The following LRRTM4 variants were observed in gnomAD, a reference collection of about 807,000 sequenced individuals.
The protein encoded by LRRTM4 is leucine rich repeat transmembrane neuronal 4, also known as leucine-rich repeat transmembrane neuronal protein 4.
A neutral mutation model predicts 47.6 loss-of-function variants in LRRTM4; 25 were observed. The observed-to-expected ratio is 0.53, with a 90% CI of 0.38 to 0.73. The LOEUF is 0.73. Ranked by LOEUF, LRRTM4 falls within the 30% of genes least tolerant of loss-of-function variation. The probability of loss-of-function intolerance (pLI) is 0.00; values close to 1 mark genes in which losing one functional copy is unlikely to be tolerated. For missense variants in LRRTM4, 638 were observed against 713.4 expected (o/e 0.89, Z 1.20); for synonymous variants, 311 against 269.5 (o/e 1.15, Z -1.51).
At chr2:77,466,702 CTT>C (rs34276275) in intron 3 of LRRTM4, among the ~76,000 whole-genome samples, 74,564 of 131,060 alleles carry the variant, frequency 0.57, 20,921 homozygotes, top group African/African-American at 0.63. Flanking sequence ...ACTATGGCAA[CTT>C]TTTTTTTTTT....
chr2:77,283,871 T>C (rs1399586309), intron 3 of LRRTM4, among the ~76,000 whole-genome samples: 2 of 151,962 alleles, frequency 1.3e-5, no homozygotes, highest in Non-Finnish European at 2.9e-5. Flanking sequence ...CTATTGATCA[T>C]TATGCTTAGT....
chr2:76,959,889 T>C (rs531968246), intron 3 of LRRTM4, among the ~76,000 whole-genome samples: 82 of 151,720 alleles, frequency 5.4e-4, no homozygotes, highest in Non-Finnish European at 1.2e-3. Context: ...GTTTTATTAT[T>C]ATTTTAAAAT....
intron 3 of LRRTM4, among the ~76,000 whole-genome samples, chr2:77,073,238 T>C (rs965942371): frequency 3.3e-5 from 5 of 152,156 alleles, no homozygotes; most frequent in Non-Finnish European, 5.9e-5. Context: ...ATACTATAAG[T>C]ATTTTCTTAT....
chr2:77,399,710 C>T (rs751025626), intron 3 of LRRTM4, among the ~76,000 whole-genome samples: 17 of 151,826 alleles, frequency 1.1e-4, no homozygotes, highest in Non-Finnish European at 2.1e-4. Flanking sequence ...GAATCAAACA[C>T]CTAAAACATT....
intron 3 of LRRTM4, among the ~76,000 whole-genome samples, chr2:77,103,662 T>G (rs1264831029): frequency 6.9e-6 from 1 of 145,302 alleles, no homozygotes; most frequent in South Asian, 2.2e-4. Flanking sequence ...TATATATATA[T>G]AGATATATAT....
chr2:77,440,259 A>G (rs1675785295), intron 3 of LRRTM4, among the ~76,000 whole-genome samples: 2 of 151,992 alleles, frequency 1.3e-5, no homozygotes, highest in African/African-American at 4.8e-5. Flanking sequence ...CTAAAAATAC[A>G]AAAAATTAGC....
intron 3 of LRRTM4, among the ~76,000 whole-genome samples, chr2:77,366,395 C>T (rs1341172785): frequency 6.6e-6 from 1 of 151,848 alleles, no homozygotes; most frequent in African/African-American, 2.4e-5. Flanking sequence ...TCACTCACTA[C>T]TCAAATACTT....
At chr2:76,783,558 CCATGGCA>C in intron 3 of LRRTM4, among the ~76,000 whole-genome samples, 1 of 152,186 alleles carries the variant, frequency 6.6e-6, no homozygotes, top group African/African-American at 2.4e-5. Context: ...CCTCCCTGGC[CCATGGCA>C]AACGCCTATT....
intron 3 of LRRTM4, among the ~76,000 whole-genome samples, chr2:77,069,587 G>T (rs1680082442): frequency 6.6e-6 from 1 of 152,114 alleles, no homozygotes; most frequent in Admixed American, 6.6e-5. Flanking sequence ...ATATTCTGGT[G>T]TCCTATTACT....
At chr2:76,862,459 C>T (rs188426098) in intron 3 of LRRTM4, among the ~76,000 whole-genome samples, 1 of 151,984 alleles carries the variant, frequency 6.6e-6, no homozygotes, top group Admixed American at 6.5e-5. Flanking sequence ...AGCCAGCTGT[C>T]ACTTCTGAGG....
chr2:77,252,172 C>G (rs1675635996), intron 3 of LRRTM4, among the ~76,000 whole-genome samples: 1 of 152,024 alleles, frequency 6.6e-6, no homozygotes, highest in African/African-American at 2.4e-5. Context: ...TTTAGAATAT[C>G]TAAGACCTGA....
intron 3 of LRRTM4, among the ~76,000 whole-genome samples, chr2:77,061,437 A>T (rs894814797): frequency 6.6e-6 from 1 of 152,024 alleles, no homozygotes; most frequent in Non-Finnish European, 1.5e-5. Flanking sequence ...GAGAGTCAAC[A>T]CATTAATTAT....
chr2:77,519,127 A>G lies in LRRTM4; in HGVS notation c.742T>C (p.Leu248=). 1.2e-6 allele frequency: 2 copies of G among 1,613,132 alleles called. No homozygotes were observed. Among genetic ancestry groups the G allele is most frequent in the Non-Finnish European group, 1.7e-6 (2 of 1,179,512 alleles). ...WNRIRSISQG[L]TWTWSSLHNL... The stretch of plus-strand genomic sequence containing the variant: ...TGTAAGGAACTCCAAGTCCATGTCA[A>G]ACCTTGGCTAATGGAGCGAATCCTG... The change falls in exon 3 of 4, where the codon TTG becomes CTG. Residue 248 remains leucine (L), a synonymous_variant. Coordinates refer to ENST00000409884, the MANE Select transcript of LRRTM4 (RefSeq NM_001134745.3). This position sits in a 1 kb window ranked among gnomAD's most constrained non-coding sequence, Gnocchi z 4.6.
intron 3 of LRRTM4, among the ~76,000 whole-genome samples, chr2:76,796,842 G>T (rs964221856): frequency 5.3e-5 from 8 of 152,048 alleles, no homozygotes; most frequent in African/African-American, 1.9e-4. Flanking sequence ...CGCCTCAGGA[G>T]CTGATTCGAT....
In LRRTM4 at chr2:76,951,623, T is replaced by A. The variant is rs551333961; in HGVS notation, c.1552-202707A>T. On this transcript the variant is annotated intron_variant, in intron 3 of 3. Transcript: ENST00000409884. ...TCAAACCTTCAGATAATAGATAATT[T>A]TTTTCTTTTACTTTAACTTCTGGGA... Among the ~76,000 whole-genome samples, 36 of 152,124 alleles carry A rather than the reference T, an allele frequency of 2.4e-4. 1 individual carries two copies. The East Asian group carries it at 6.6e-3, about 28-fold the overall frequency.
chr2:76,891,240 TATA>T (rs146119861), intron 3 of LRRTM4, among the ~76,000 whole-genome samples: 2,025 of 151,898 alleles, frequency 0.013, 44 homozygotes, highest in African/African-American at 0.047. Context: ...TTTAGTTAAT[TATA>T]ATAAGAGGAG....
intron 3 of LRRTM4, among the ~76,000 whole-genome samples, chr2:77,493,799 G>A (rs1678258469): frequency 6.6e-6 from 1 of 151,992 alleles, no homozygotes; most frequent in African/African-American, 2.4e-5. Flanking sequence ...CTTTATAGCA[G>A]GCCACAGAAA....
chr2:77,356,009 C>G (rs1274820079), intron 3 of LRRTM4, among the ~76,000 whole-genome samples: 2 of 152,160 alleles, frequency 1.3e-5, no homozygotes, highest in Admixed American at 1.3e-4. Context: ...AGGAGCATCA[C>G]TTGAGCCCAG....
chr2:76,758,142 T>C (rs1157439334), intron 3 of LRRTM4, among the ~76,000 whole-genome samples: 2 of 152,174 alleles, frequency 1.3e-5, no homozygotes, highest in Non-Finnish European at 2.9e-5. Flanking sequence ...ACATGCATCT[T>C]GCCTGAGAAG....
Sources: gnomAD v4.1 joint callset for allele counts (sites outside exome capture counted in the v4.1 genomes callset) on GRCh38, gnomAD v4.1.1 for gene constraint, Gnocchi (gnomAD v3.1) non-coding constraint, MANE v1.5 for transcripts, NCBI Gene and HGNC (gene_info 2026-07-23, HGNC 2026-07-21) for gene names.